CPNE3: variants seen among roughly 807,000 people sequenced by gnomAD.
CPNE3 encodes the protein copine 3.
CPNE3 carries 68 observed loss-of-function variants against 63.9 expected under a neutral mutation model. The ratio of observed to expected loss-of-function variants is 1.06; its 90% CI spans 0.87 to 1.30. The LOEUF is 1.30. CPNE3 is among the 50% of genes most tolerant of loss of function. The pLI is 0.00. For missense variants in CPNE3, 665 were observed against 578.1 expected, an observed-to-expected ratio of 1.15 and a Z score of -1.54; for synonymous variants, 219 against 197.5, an observed-to-expected ratio of 1.11 and a Z score of -0.91.
chr8:86,554,966 G>T lies in CPNE3; in HGVS notation c.1236G>T (p.Thr412=). Reference sequence around the variant, plus strand: ...TGGCCAGGTTTGCTGCTGCAGCCACGCAACAGCAGACAGCTTCTGTAAGTG... The same window carrying T: ...TGGCCAGGTTTGCTGCTGCAGCCACTCAACAGCAGACAGCTTCTGTAAGTG... ...NHVARFAAAA[T]QQQTASQYFV... Residue 412 remains threonine (T), a synonymous_variant, in exon 15 of 17, where the codon ACG becomes ACT. Coordinates refer to ENST00000517490, the MANE Select transcript of CPNE3 (RefSeq NM_003909.5). 1.2e-6 allele frequency: 2 copies of T among 1,614,048 alleles called. No individual in the cohort carries two copies. The highest frequency in any genetic ancestry group is 1.7e-6 in the Non-Finnish European group (2 of 1,180,002).
chr8:86,544,737 C>T lies in CPNE3; in HGVS notation c.634-3C>T. The T allele has an allele frequency of 7.3e-7, 1 of 1,375,724 alleles. No homozygotes were observed. Among genetic ancestry groups the T allele is most frequent in the Non-Finnish European group, 9.6e-7 (1 of 1,036,756 alleles). The allele number at this position is 1,375,724 out of a possible 1,614,324, so 85.2% of individuals were successfully genotyped here. ...TATATATTTTTATTATATTTAATTT[C>T]AGGTGGAGTGTTATGATTATGACAA... On this transcript the variant is annotated splice_region_variant and splice_polypyrimidine_tract_variant and intron_variant, in intron 8 of 16. Transcript: ENST00000517490.
intron 9 of CPNE3, among the ~76,000 whole-genome samples, chr8:86,546,115 A>G (rs1426909275): frequency 1.3e-5 from 2 of 152,082 alleles, no homozygotes; most frequent in African/African-American, 2.4e-5. Flanking sequence ...AAGATCTTTG[A>G]TGCATATTTT....
chr8:86,554,996 A>C lies in CPNE3; in HGVS notation c.1254+12A>C. On this transcript the variant is annotated intron_variant, in intron 15 of 16. Coordinates refer to ENST00000517490, the MANE Select transcript of CPNE3 (RefSeq NM_003909.5). ...AGCAGACAGCTTCTGTAAGTGCTCT[A>C]TGGCCAGGGAATGGGAAGAATGTGG... The C allele has an allele frequency of 6.2e-7, 1 of 1,613,672 alleles. No homozygotes were observed. Among genetic ancestry groups the C allele is most frequent in the Non-Finnish European group, 8.5e-7 (1 of 1,179,872 alleles).
intron 8 of CPNE3, among the ~76,000 whole-genome samples, chr8:86,541,573 G>A (rs527710585): frequency 2.0e-5 from 3 of 151,916 alleles, no homozygotes; most frequent in South Asian, 4.2e-4. Flanking sequence ...GTGTGGTGGC[G>A]CATACCTGTG....
In CPNE3 at chr8:86,546,675, G is replaced by A. The variant is rs772824390; in HGVS notation, c.813G>A (p.Gln271=). The change falls in exon 10 of 17, where the codon CAG becomes CAA. Residue 271 remains glutamine (Q), a synonymous_variant. Coordinates refer to ENST00000517490, the MANE Select transcript of CPNE3 (RefSeq NM_003909.5). ...YKNSGVISVK[Q]CEITVECTFL... ...ATTCAGGTGTTATCAGTGTGAAACAGTGTGAGGTCCGTTGGCCTTGGCTAC... is the reference window on the plus strand; with the variant it reads ...ATTCAGGTGTTATCAGTGTGAAACAATGTGAGGTCCGTTGGCCTTGGCTAC... 5.6e-6 allele frequency: 9 copies of A among 1,604,150 alleles called. 1 individual carries two copies. The highest frequency in any genetic ancestry group is 7.6e-6 in the Non-Finnish European group (9 of 1,177,598).
At chr8:86,527,410 C>A (rs993013418) in intron 2 of CPNE3, among the ~76,000 whole-genome samples, 2 of 152,194 alleles carry the variant, frequency 1.3e-5, no homozygotes, top group Admixed American at 1.3e-4. Context: ...CTATCATATG[C>A]TCCATCCCAT....
At chr8:86,534,821 TC>T (rs1328117106) in intron 6 of CPNE3, among the ~76,000 whole-genome samples, 2 of 152,206 alleles carry the variant, frequency 1.3e-5, no homozygotes, top group African/African-American at 4.8e-5. Context: ...GTTTGACTTT[TC>T]CCCCATATTT....
intron 11 of CPNE3, 70 bp downstream of exon 11, chr8:86,547,840 A>AGT (rs1821088815): frequency 3.8e-6 from 3 of 779,334 alleles, no homozygotes; most frequent in Non-Finnish European, 6.6e-6. Flanking sequence ...CTTTCACTGC[A>AGT]AAACTGACTT....
At chr8:86,532,692 T>A in intron 6 of CPNE3, 112 bp downstream of exon 6, 1 of 892,020 alleles carries the variant, frequency 1.1e-6, no homozygotes, top group Non-Finnish European at 1.7e-6. Context: ...CATAGGGTAC[T>A]AGTTACTTTC....
At chr8:86,517,868 A>G (rs1046460171) in intron 2 of CPNE3, among the ~76,000 whole-genome samples, 1 of 152,230 alleles carries the variant, frequency 6.6e-6, no homozygotes, top group African/African-American at 2.4e-5. Flanking sequence ...TATTTGTTCA[A>G]TAAGTGTTGA....
Position 86,544,743 on chromosome 8 carries a change from G to T in CPNE3, c.637G>T (p.Glu213Ter). The change falls in exon 9 of 17, where the codon GAG (glutamate) becomes TAG (stop). Residue 213 changes from glutamate (E) to a stop codon, truncating the protein, a stop_gained. Transcript: ENST00000517490. LOFTEE classifies it high-confidence loss of function. ...YGDMDKTIKV[E>*]CYDYDNDGSH... is the part of the protein sequence containing the mutation. ...TTTTTATTATATTTAATTTCAGGTG[G>T]AGTGTTATGATTATGACAATGATGG... 7.1e-7 allele frequency: 1 copy of T among 1,410,910 alleles called. No homozygotes were observed. Among genetic ancestry groups the T allele is most frequent in the South Asian group, 1.7e-5 (1 of 57,796 alleles). The allele number at this position is 1,410,910 out of a possible 1,614,324, so 87.4% of individuals were successfully genotyped here.
Position 86,531,158 on chromosome 8 carries a change from GT to G in CPNE3, c.319del (p.Ser107ProfsTer5). 1 of 1,181,956 alleles carries G rather than the reference GT, an allele frequency of 8.5e-7. No homozygotes were observed. The highest frequency in any genetic ancestry group is 1.3e-6 in the Non-Finnish European group (1 of 784,990). The allele number at this position is 1,181,956 out of a possible 1,614,324, so 73.2% of individuals were successfully genotyped here. On this transcript the variant is annotated frameshift_variant, in exon 5 of 17. Transcript: ENST00000517490. LOFTEE classifies it high-confidence loss of function. Reference protein sequence around the residue: ...GECECTLGQIVSSKKLTRPLV... With the variant: ...GECECTLGQIXSSKKLTRPLV... ...TATCACTTTCTAATTCTAACAGATT[GT>G]TTCCAGCAAGAAGCTAACTCGACCA...
At chr8:86,548,243 A>G in intron 11 of CPNE3, 58 bp from the exon 12 acceptor site, 1 of 1,587,644 alleles carries the variant, frequency 6.3e-7, no homozygotes, top group Non-Finnish European at 8.6e-7. Flanking sequence ...TTTCCTGGAC[A>G]TCAAGCACAG....
chr8:86,547,604 A>C (rs1166650667), intron 10 of CPNE3, 107 bp from the exon 11 acceptor site: 6 of 682,466 alleles, frequency 8.8e-6, no homozygotes, highest in Non-Finnish European at 1.3e-5. Flanking sequence ...CCATGTTTAT[A>C]TCATGTCCTG....
At chr8:86,553,873 AG>A (rs1372882252) in intron 14 of CPNE3, 3 of 152,064 alleles carry the variant, frequency 2.0e-5, no homozygotes, top group Non-Finnish European at 4.4e-5. Context: ...CAGATTCAAC[AG>A]GTGCTTGTGT....
chr8:86,556,286 A>G lies in CPNE3; in HGVS notation c.1439A>G (p.Glu480Gly). The G allele has an allele frequency of 2.3e-6, 2 of 873,038 alleles. No homozygotes were observed. 54.1% of individuals were successfully genotyped at this position (873,038 alleles called of 1,614,324 possible). The change falls in exon 16 of 17, where the codon GAA becomes GGA. Residue 480 changes from glutamate to glycine, a missense_variant. Glu to Gly is a moderately conservative substitution (Grantham distance 98). Coordinates refer to ENST00000517490, the MANE Select transcript of CPNE3 (RefSeq NM_003909.5). ...DGGSLRSPLG[E>G]VAIRDIVQFV... ...GGAAGTCTCCGCTCCCCATTGGGCG[A>G]AGTGGCCATCAGAGATATTGTCCAG...
At chr8:86,514,971 A>T (rs545509565) in intron 1 of CPNE3, among the ~76,000 whole-genome samples, 87 of 152,258 alleles carry the variant, frequency 5.7e-4, no homozygotes, top group African/African-American at 2.0e-3. Flanking sequence ...GGGGAGAGGG[A>T]TAGGGTACCC....
chr8:86,548,517 G>T, intron 12 of CPNE3, 83 bp downstream of exon 12: 1 of 1,535,990 alleles, frequency 6.5e-7, no homozygotes, highest in South Asian at 1.2e-5. Context: ...CTAGCACTCT[G>T]ATATAGGTGG....
At position 86,541,071 on chromosome 8, in the gene CPNE3, C is replaced by T. The variant is rs569813221; in HGVS notation, c.633+737C>T. Among the ~76,000 whole-genome samples, 266 of 152,166 alleles carry T rather than the reference C, an allele frequency of 1.7e-3. 3 individuals are homozygous for T. Among genetic ancestry groups the T allele is most frequent in the African/African-American group, 6.2e-3 (256 of 41,504 alleles). On this transcript the variant is annotated intron_variant, in intron 8 of 16. Transcript: ENST00000517490. The stretch of plus-strand genomic sequence containing the variant: ...AGAGGTCTTTTTTATGTTCAGACTT[C>T]AGTCGATCAAAGGGATTTTTTGGTT...
Sources: allele counts gnomAD v4.1 joint callset (sites outside exome capture counted in the v4.1 genomes callset), GRCh38; gene constraint gnomAD v4.1.1; transcripts MANE v1.5; gene names NCBI Gene and HGNC (gene_info 2026-07-23, HGNC 2026-07-21).